Variants in PDE11A observed in about 807,000 individuals in gnomAD.
PDE11A encodes phosphodiesterase 11A.
PDE11A carries 100 observed loss-of-function variants against 100.5 expected under a neutral mutation model. That is an observed-to-expected ratio of 1.00 (90% CI 0.85 to 1.18). The LOEUF (loss-of-function observed/expected upper bound fraction) is 1.18, where lower values mean the gene tolerates loss of function less well. PDE11A is among the 50% of genes most tolerant of loss of function. The pLI is 0.00. For synonymous variants in PDE11A, 381 were observed against 420.8 expected (o/e 0.91, Z 1.16); for missense variants, 1,141 against 1,152.6 (o/e 0.99, Z 0.15).
intron 2 of PDE11A, among the ~76,000 whole-genome samples, chr2:178,009,599 G>A (rs2086252629): frequency 6.6e-6 from 1 of 152,148 alleles, no homozygotes; most frequent in Admixed American, 6.5e-5. Flanking sequence ...TTCCTGCATT[G>A]GATGAAGGAA....
At chr2:177,782,008 C>A (rs1227538207) in intron 9 of PDE11A, among the ~76,000 whole-genome samples, 1 of 152,126 alleles carries the variant, frequency 6.6e-6, no homozygotes, top group Admixed American at 6.6e-5. Context: ...ATTTTAGTAA[C>A]CACACTTTAA....
intron 1 of PDE11A, chr2:178,038,837 T>C (rs983297603): frequency 6.6e-6 from 1 of 152,042 alleles, no homozygotes; most frequent in Non-Finnish European, 1.5e-5. Flanking sequence ...CCCATATATA[T>C]TCACTGTAAA....
At chr2:177,858,416 A>G (rs1015069058) in intron 5 of PDE11A, among the ~76,000 whole-genome samples, 1 of 151,506 alleles carries the variant, frequency 6.6e-6, no homozygotes, top group Non-Finnish European at 1.5e-5. Flanking sequence ...AAAAAAAACC[A>G]CATCAAAAAG....
chr2:177,877,398 C>T (rs576490878), intron 4 of PDE11A, among the ~76,000 whole-genome samples: 1 of 152,200 alleles, frequency 6.6e-6, no homozygotes, highest in Non-Finnish European at 1.5e-5. Context: ...TTCCTCACCC[C>T]AGATGAGGCA....
chr2:177,819,868 TTCTC>T lies in PDE11A; in HGVS notation c.1576+348_1576+351del, dbSNP rs34374310. ...CATTTCTCTTTCTCTCTTTCTCTCT[TTCTC>T]TCTCTCTCTCTCTCTCTCTCTCTGT... On this transcript the variant is annotated intron_variant, in intron 7 of 19. Coordinates refer to ENST00000286063, the MANE Select transcript of PDE11A (RefSeq NM_016953.4). 1.1e-3 allele frequency among the ~76,000 whole-genome samples: 153 copies of T among 139,172 alleles called. 1 individual carries two copies. The highest frequency in any genetic ancestry group is 2.9e-3 in the Admixed American group (40 of 13,874). The allele number at this position is 139,172 out of a possible 152,430, so 91.3% of individuals were successfully genotyped here.
chr2:177,868,096 CTG>C (rs982937303), intron 5 of PDE11A, among the ~76,000 whole-genome samples: 1 of 152,120 alleles, frequency 6.6e-6, no homozygotes, highest in African/African-American at 2.4e-5. Flanking sequence ...AAGGGGTAAT[CTG>C]TTTTGCAAAA....
At chr2:178,057,946 C>T (rs1035629611) in intron 1 of PDE11A, among the ~76,000 whole-genome samples, 1 of 152,202 alleles carries the variant, frequency 6.6e-6, no homozygotes, top group Admixed American at 6.5e-5. Context: ...CAACCTCCAC[C>T]CCCTGGGTTC....
At chr2:177,823,567 G>T (rs2083178528) in intron 6 of PDE11A, among the ~76,000 whole-genome samples, 2 of 152,254 alleles carry the variant, frequency 1.3e-5, no homozygotes, top group East Asian at 1.9e-4. Context: ...GACTTAGGGA[G>T]ATTAACTGCC....
In PDE11A at chr2:177,795,885, C is replaced by CATGTTGTCTCT. The variant is rs1427058267; in HGVS notation, c.1737+20933_1737+20943dup. Among the ~76,000 whole-genome samples, 5 of 140,814 alleles carry CATGTTGTCTCT rather than the reference C, an allele frequency of 3.6e-5. No homozygotes were observed. The East Asian group carries it at 1.0e-3, about 29-fold the overall frequency. The allele number at this position is 140,814 out of a possible 152,430, so 92.4% of individuals were successfully genotyped here. ...AGGGCCACGTGAAGCAAAAGTCTCC[C>CATGTTGTCTCT]ATGTTGTCTCTGGGGATTGTAGATA... is the stretch of plus-strand genomic sequence containing the variant. On this transcript the variant is annotated intron_variant, in intron 9 of 19. Transcript: ENST00000286063.
intron 4 of PDE11A, among the ~76,000 whole-genome samples, chr2:177,888,123 C>T (rs978710878): frequency 6.6e-6 from 1 of 152,172 alleles, no homozygotes; most frequent in Non-Finnish European, 1.5e-5. Flanking sequence ...AAAATCTATA[C>T]AGAGTTTTCA....
intron 10 of PDE11A, among the ~76,000 whole-genome samples, chr2:177,745,697 A>G (rs2081937966): frequency 6.6e-6 from 1 of 152,126 alleles, no homozygotes; most frequent in African/African-American, 2.4e-5. Context: ...GAGCACTAGG[A>G]ATTCTAGGAA....
intron 15 of PDE11A, among the ~76,000 whole-genome samples, chr2:177,683,776 T>A (rs1238437842): frequency 6.6e-6 from 1 of 152,300 alleles, no homozygotes; most frequent in Non-Finnish European, 1.5e-5. Context: ...AGTCACTGAC[T>A]GTGAAGTGAA....
At chr2:178,089,327 C>A (rs528622755) in intron 2 of PDE11A, among the ~76,000 whole-genome samples, 1 of 152,284 alleles carries the variant, frequency 6.6e-6, no homozygotes, top group East Asian at 1.9e-4. Flanking sequence ...GAGACTACTG[C>A]AATGAGAGTT....
chr2:177,936,766 C>T (rs374761024), intron 2 of PDE11A, among the ~76,000 whole-genome samples: 2 of 151,990 alleles, frequency 1.3e-5, no homozygotes, highest in African/African-American at 4.8e-5. Context: ...ACTAAAAGTA[C>T]AAAAATTAGC....
intron 2 of PDE11A, among the ~76,000 whole-genome samples, chr2:177,960,198 T>C (rs1031963645): frequency 2.0e-5 from 3 of 152,092 alleles, no homozygotes; most frequent in Non-Finnish European, 4.4e-5. Flanking sequence ...GAGAATGATA[T>C]AAAAATAAAT....
At chr2:178,072,782 G>T (rs939722591), upstream of PDE11A, 18 of 1,248,022 alleles carry the variant, frequency 1.4e-5, no homozygotes, top group Non-Finnish European at 1.7e-5. Context: ...GTAACCGGAT[G>T]AGTGGACCGC....
intron 10 of PDE11A, among the ~76,000 whole-genome samples, chr2:177,764,133 T>C (rs2082208199): frequency 6.6e-6 from 1 of 152,250 alleles, no homozygotes; most frequent in Non-Finnish European, 1.5e-5. Flanking sequence ...GATCCTATTT[T>C]TGATGCAGTC....
At chr2:177,914,259 A>T (rs2084921701) in intron 2 of PDE11A, among the ~76,000 whole-genome samples, 1 of 152,102 alleles carries the variant, frequency 6.6e-6, no homozygotes, top group Admixed American at 6.6e-5. Context: ...AGAATATTAA[A>T]CATTTTCCAT....
At chr2:177,688,362 G>T (rs1192287163) in intron 15 of PDE11A, 1 of 152,230 alleles carries the variant, frequency 6.6e-6, no homozygotes, top group African/African-American at 2.4e-5. Context: ...AATTCACTGT[G>T]CTTTTGGGAA....
Sources: gnomAD v4.1 joint callset for allele counts (sites outside exome capture counted in the v4.1 genomes callset) on GRCh38, gnomAD v4.1.1 for gene constraint, MANE v1.5 for transcripts, NCBI Gene and HGNC (gene_info 2026-07-23, HGNC 2026-07-21) for gene names.